Variants in PCDHGA2 observed in about 807,000 individuals in gnomAD.
The protein encoded by PCDHGA2 is protocadherin gamma subfamily A, 2.
PCDHGA2 carries 40 observed loss-of-function variants against 59.2 expected under a neutral mutation model. The ratio of observed to expected loss-of-function variants is 0.68; its 90% CI spans 0.52 to 0.88. The LOEUF is 0.88. Among genes scored for constraint, PCDHGA2 ranks in the 40% least tolerant of loss-of-function variants. The pLI is 0.00. For synonymous variants in PCDHGA2, 560 were observed against 526.0 expected (o/e 1.06, Z -0.89); for missense variants, 1,226 against 1,204.0 (o/e 1.02, Z -0.27).
intron 1 of PCDHGA2, chr5:141,366,436 C>T (rs757760710): frequency 1.9e-6 from 3 of 1,614,076 alleles, no homozygotes; most frequent in African/African-American, 1.3e-5. Context: ...CAGTCTCCTG[C>T]GTCTTCCTGG....
chr5:141,421,736 G>A lies in PCDHGA2; in HGVS notation c.2425-73071G>A, dbSNP rs767237323. 5.3e-5 allele frequency: 86 copies of A among 1,613,810 alleles called. No individual in the cohort carries two copies. The highest frequency in any genetic ancestry group is 6.9e-5 in the Non-Finnish European group (82 of 1,179,858). Reference sequence around the variant, plus strand: ...GATGTGGGCGTGAACTCCCTCCAGAGCTACCAGCTCAGCCCTAATAATTAC... The same window carrying A: ...GATGTGGGCGTGAACTCCCTCCAGAACTACCAGCTCAGCCCTAATAATTAC... On this transcript the variant is annotated intron_variant, in intron 1 of 3. Transcript: ENST00000394576.
intron 1 of PCDHGA2, chr5:141,389,851 CCA>C (rs2091943018): frequency 6.2e-7 from 1 of 1,613,936 alleles, no homozygotes; most frequent in Non-Finnish European, 8.5e-7. Context: ...TCGGCCACTG[CCA>C]CGTTGCACCT....
At chr5:141,387,558 C>G (rs1456100013) in intron 1 of PCDHGA2, 1 of 417,976 alleles carries the variant, frequency 2.4e-6, no homozygotes, top group Non-Finnish European at 4.2e-6. Context: ...TTCAGTTAGG[C>G]ACACAATTAT....
chr5:141,374,884 C>T (rs1770914347), intron 1 of PCDHGA2: 1 of 1,613,714 alleles, frequency 6.2e-7, no homozygotes, highest in African/African-American at 1.3e-5. Context: ...TGACTGCCAC[C>T]GACCAGGATG....
chr5:141,382,978 T>C, intron 1 of PCDHGA2: 1 of 1,610,702 alleles, frequency 6.2e-7, no homozygotes, highest in Non-Finnish European at 8.5e-7. Context: ...CTGGGAAGCC[T>C]GGGCAGGACG....
intron 1 of PCDHGA2, among the ~76,000 whole-genome samples, chr5:141,452,585 G>A (rs1310395736): frequency 6.6e-6 from 1 of 151,984 alleles, no homozygotes; most frequent in Non-Finnish European, 1.5e-5. Context: ...TTCCATCTTT[G>A]TATTTTTATT....
At chr5:141,364,288 A>T in intron 1 of PCDHGA2, 2 of 1,517,690 alleles carry the variant, frequency 1.3e-6, no homozygotes, top group Non-Finnish European at 1.8e-6. Context: ...AGGAAACAGC[A>T]GGCTGAACCA....
At chr5:141,374,109 A>C (rs1422319467) in intron 1 of PCDHGA2, 1 of 1,576,270 alleles carries the variant, frequency 6.3e-7, no homozygotes, top group Admixed American at 1.8e-5. Flanking sequence ...AGGCATCCGC[A>C]GCGCAGCGAG....
rs372245447 is a variant in PCDHGA2, at chr5:141,489,609, C to T, written c.2425-5198C>T. ...AGCTAATCCGTGTAGAGGTAGAGAT[C>T]CTGGATCTCAATGACAACTCTCCTA... On this transcript the variant is annotated intron_variant, in intron 1 of 3. Coordinates refer to ENST00000394576, the MANE Select transcript of PCDHGA2 (RefSeq NM_018915.4). This position sits in a 1 kb window ranked among gnomAD's most constrained non-coding sequence, Gnocchi z 4.5. The T allele has an allele frequency of 1.9e-6, 3 of 1,613,934 alleles. No homozygotes were observed. The African/African-American group carries it at 4.0e-5, about 22-fold the overall frequency.
intron 1 of PCDHGA2, chr5:141,427,892 C>A (rs752723370): frequency 9.9e-5 from 155 of 1,567,044 alleles, no homozygotes; most frequent in Non-Finnish European, 1.3e-4. Context: ...ACGACCAGGG[C>A]TCGCCCGCGC....
intron 1 of PCDHGA2, chr5:141,388,223 A>G: frequency 6.2e-7 from 1 of 1,602,840 alleles, no homozygotes; most frequent in Non-Finnish European, 8.5e-7. Context: ...CTGAAAATCC[A>G]CTGAACTTTT....
chr5:141,457,159 T>C (rs908257499), intron 1 of PCDHGA2, among the ~76,000 whole-genome samples: 5 of 152,212 alleles, frequency 3.3e-5, no homozygotes, highest in Non-Finnish European at 7.3e-5. Flanking sequence ...GGTGCTACCA[T>C]GGATAACCCT....
intron 1 of PCDHGA2, chr5:141,383,125 G>T: frequency 6.2e-7 from 1 of 1,614,062 alleles, no homozygotes. Context: ...GCAGCTTTTC[G>T]CCCTGAACCA....
chr5:141,464,843 A>G lies in PCDHGA2; in HGVS notation c.2425-29964A>G, dbSNP rs183890796. On this transcript the variant is annotated intron_variant, in intron 1 of 3. Coordinates refer to ENST00000394576, the MANE Select transcript of PCDHGA2 (RefSeq NM_018915.4). Reference sequence around the variant, plus strand: ...AGCCTCGCACTCCTGGGCTCAAGCAATCCTCCTACCTTAGCCTCCCAAGTA... The same window carrying G: ...AGCCTCGCACTCCTGGGCTCAAGCAGTCCTCCTACCTTAGCCTCCCAAGTA... 1.5e-3 allele frequency among the ~76,000 whole-genome samples: 231 copies of G among 152,234 alleles called. 1 individual carries two copies. Among genetic ancestry groups the G allele is most frequent in the Non-Finnish European group, 2.3e-3 (159 of 68,018 alleles).
chr5:141,488,672 G>A (rs1012955473), intron 1 of PCDHGA2, among the ~76,000 whole-genome samples: 20 of 152,208 alleles, frequency 1.3e-4, no homozygotes, highest in African/African-American at 4.8e-4. Context: ...GAATACATGG[G>A]CTTTGCCTCT....
chr5:141,342,305 C>T (rs986189141), intron 1 of PCDHGA2: 1 of 152,144 alleles, frequency 6.6e-6, no homozygotes, highest in African/African-American at 2.4e-5. Flanking sequence ...GTTCCCAATC[C>T]CTCACCCAAT....
Position 141,339,745 on chromosome 5 carries a change from C to T in PCDHGA2, c.774C>T (p.Gly258=), listed in dbSNP as rs1026704695. 6 of 1,613,982 alleles carry T rather than the reference C, an allele frequency of 3.7e-6. No individual in the cohort carries two copies. Among genetic ancestry groups the T allele is most frequent in the Non-Finnish European group, 5.1e-6 (6 of 1,179,970 alleles). ...RISIPENTLV[G]TRILTVTATD... is the part of the protein sequence containing the mutation. The stretch of plus-strand genomic sequence containing the variant: ...GCATTCCGGAGAATACGCTCGTGGG[C>T]ACCCGGATACTCACGGTGACCGCCA... The change falls in exon 1 of 4, where the codon GGC becomes GGT. Residue 258 remains glycine (G), a synonymous_variant. Transcript: ENST00000394576.
At chr5:141,383,394 C>A in intron 1 of PCDHGA2, 2 of 1,614,036 alleles carry the variant, frequency 1.2e-6, no homozygotes, top group Non-Finnish European at 1.7e-6. Context: ...TGGGCACGAA[C>A]TCCCTCCAGA....
intron 1 of PCDHGA2, chr5:141,404,040 G>C (rs1373988780): frequency 6.2e-7 from 1 of 1,613,692 alleles, no homozygotes; most frequent in Non-Finnish European, 8.5e-7. Flanking sequence ...GCACCTCAGG[G>C]AACAGTAATT....
Sources: allele counts gnomAD v4.1 joint callset (sites outside exome capture counted in the v4.1 genomes callset), GRCh38; gene constraint gnomAD v4.1.1; non-coding constraint Gnocchi (gnomAD v3.1); transcripts MANE v1.5; gene names NCBI Gene and HGNC (gene_info 2026-07-23, HGNC 2026-07-21).